TMBIM6: variants seen among roughly 807,000 people sequenced by gnomAD.
TMBIM6 encodes bax inhibitor 1.
In TMBIM6, 13 loss-of-function variants were observed where a neutral mutation model predicts 31.4. That is an observed-to-expected ratio of 0.41 (90% CI 0.27 to 0.66). The LOEUF (loss-of-function observed/expected upper bound fraction) is 0.66. TMBIM6 is among the 30% of genes least tolerant of loss of function. TMBIM6 has a pLI of 0.28. For missense variants in TMBIM6, 275 were observed against 289.5 expected, an observed-to-expected ratio of 0.95 and a Z score of 0.36; for synonymous variants, 85 against 101.7, an observed-to-expected ratio of 0.84 and a Z score of 0.99.
At chr12:49,751,330 T>A (rs866437443) in intron 1 of TMBIM6, among the ~76,000 whole-genome samples, 1 of 152,186 alleles carries the variant, frequency 6.6e-6, no homozygotes, top group Non-Finnish European at 1.5e-5. Context: ...CTGAAGTGTT[T>A]AGGAGCACTG....
chr12:49,753,073 T>G lies in TMBIM6; in HGVS notation c.157T>G (p.Phe53Val). The change falls in exon 3 of 10, where the codon TTC becomes GTC. Residue 53 changes from phenylalanine to valine, a missense_variant. Coordinates refer to ENST00000267115, the MANE Select transcript of TMBIM6 (RefSeq NM_003217.3). ...AGAYVHMVTH[F>V]IQAGLLSALG... ...GGCCTATGTCCATATGGTCACTCAT[T>G]TCATTCAGGTAAGAACGATTTTCTC... 1.9e-6 allele frequency: 3 copies of G among 1,613,258 alleles called. No homozygotes were observed. The highest frequency in any genetic ancestry group is 2.5e-6 in the Non-Finnish European group (3 of 1,179,700).
At chr12:49,759,460 T>C in intron 8 of TMBIM6, 139 bp downstream of exon 8, 1 of 679,984 alleles carries the variant, frequency 1.5e-6, no homozygotes. Flanking sequence ...GTTTTGGAAC[T>C]GTGTACCATA....
At chr12:49,748,302 A>G (rs558874565) in intron 1 of TMBIM6, among the ~76,000 whole-genome samples, 1 of 152,146 alleles carries the variant, frequency 6.6e-6, no homozygotes, top group Non-Finnish European at 1.5e-5. Flanking sequence ...TACCTAGAAC[A>G]AAACAAGGCA....
intron 8 of TMBIM6, among the ~76,000 whole-genome samples, chr12:49,760,999 C>G (rs1383499212): frequency 6.6e-6 from 1 of 151,904 alleles, no homozygotes; most frequent in African/African-American, 2.4e-5. Context: ...ACCACCATGC[C>G]CGGCTAATTT....
At chr12:49,756,980 C>T (rs1161598387) in intron 4 of TMBIM6, among the ~76,000 whole-genome samples, 1 of 152,034 alleles carries the variant, frequency 6.6e-6, no homozygotes, top group Non-Finnish European at 1.5e-5. Flanking sequence ...GATCCGCCCA[C>T]CTCGGCCTCC....
Position 49,741,845 on chromosome 12 carries a change from G to C in TMBIM6, c.-31+234G>C, listed in dbSNP as rs1945300029. 4 of 421,560 alleles carry C rather than the reference G, an allele frequency of 9.5e-6. 1 individual carries two copies. The highest frequency in any genetic ancestry group is 1.3e-5 in the Non-Finnish European group (3 of 233,512). The allele number at this position is 421,560 out of a possible 1,614,324, so 26.1% of individuals were successfully genotyped here. ...GCGGGGGTGGGGCGGAGGCGAGTCTGCGGGGGTTTTGGGGGGTGTCGAGGC... is the reference window on the plus strand; with the variant it reads ...GCGGGGGTGGGGCGGAGGCGAGTCTCCGGGGGTTTTGGGGGGTGTCGAGGC... On this transcript the variant is annotated intron_variant, in intron 1 of 9. Coordinates refer to ENST00000267115, the MANE Select transcript of TMBIM6 (RefSeq NM_003217.3).
chr12:49,755,849 T>G, intron 4 of TMBIM6, 94 bp downstream of exon 4: 1 of 1,431,818 alleles, frequency 7.0e-7, no homozygotes, highest in East Asian at 2.4e-5. Context: ...TTTTTTTTTT[T>G]TTGAGACAGA....
intron 1 of TMBIM6, 103 bp from the exon 2 acceptor site, chr12:49,752,361 A>G: frequency 2.5e-6 from 2 of 794,708 alleles, no homozygotes; most frequent in Non-Finnish European, 3.9e-6. Context: ...ATTTTAGGCA[A>G]GTTTTCATCT....
intron 1 of TMBIM6, chr12:49,742,060 G>A: frequency 1.3e-6 from 2 of 1,552,000 alleles, no homozygotes; most frequent in Admixed American, 3.9e-5. Flanking sequence ...TTCGGCTGCG[G>A]GCGGGTCCTT....
chr12:49,748,848 C>A (rs1183566027), intron 1 of TMBIM6, among the ~76,000 whole-genome samples: 1 of 152,080 alleles, frequency 6.6e-6, no homozygotes, highest in African/African-American at 2.4e-5. Flanking sequence ...TTGTAATGTA[C>A]TTTTTTTCTT....
intron 1 of TMBIM6, among the ~76,000 whole-genome samples, chr12:49,751,024 C>T (rs1405958987): frequency 6.6e-6 from 1 of 152,146 alleles, no homozygotes; most frequent in African/African-American, 2.4e-5. Flanking sequence ...CATTATGGCC[C>T]TGATAGGAGT....
At chr12:49,743,080 G>C (rs779851929) in intron 1 of TMBIM6, among the ~76,000 whole-genome samples, 1 of 149,676 alleles carries the variant, frequency 6.7e-6, no homozygotes, top group Non-Finnish European at 1.5e-5. Flanking sequence ...GACCTCTCCT[G>C]GCTTAGGTGA....
chr12:49,753,068 C>T lies in TMBIM6; in HGVS notation c.152C>T (p.Thr51Ile). The T allele has an allele frequency of 2.5e-6, 4 of 1,613,576 alleles. No individual in the cohort carries two copies. Among genetic ancestry groups the T allele is most frequent in the Non-Finnish European group, 2.5e-6 (3 of 1,179,808 alleles). Residue 51 changes from threonine to isoleucine, a missense_variant, in exon 3 of 10, where the codon ACT becomes ATT. By Grantham distance (89) the Thr-to-Ile change is moderately conservative. Transcript: ENST00000267115. ...GCAGGGGCCTATGTCCATATGGTCA[C>T]TCATTTCATTCAGGTAAGAACGATT... is the stretch of plus-strand genomic sequence containing the variant. ...AAAGAYVHMV[T>I]HFIQAGLLSA...
intron 1 of TMBIM6, chr12:49,742,128 G>GGGC: frequency 6.2e-7 from 1 of 1,609,418 alleles, no homozygotes; most frequent in Non-Finnish European, 8.5e-7. Flanking sequence ...AGGGCCTGGC[G>GGGC]GGCGGGTGAT....
chr12:49,761,624 G>A, intron 8 of TMBIM6, 80 bp from the exon 9 acceptor site: 1 of 1,323,726 alleles, frequency 7.6e-7, no homozygotes, highest in Non-Finnish European at 1.1e-6. Context: ...GGTAGGGGTG[G>A]GGTTTATATT....
chr12:49,742,389 C>T (rs1592718074), intron 1 of TMBIM6: 1 of 1,400,698 alleles, frequency 7.1e-7, no homozygotes, highest in East Asian at 2.5e-5. Flanking sequence ...CTTGCTGGAC[C>T]TGTGGTAACA....
chr12:49,759,388 G>A (rs1843409706), intron 8 of TMBIM6, 67 bp downstream of exon 8: 1 of 1,385,344 alleles, frequency 7.2e-7, no homozygotes, highest in African/African-American at 1.4e-5. Flanking sequence ...GCTGAACTTA[G>A]GTTGGCATTG....
chr12:49,761,701 C>T lies in TMBIM6; in HGVS notation c.615-3C>T. On this transcript the variant is annotated splice_polypyrimidine_tract_variant and splice_region_variant and intron_variant, in intron 8 of 9. Coordinates refer to ENST00000267115, the MANE Select transcript of TMBIM6 (RefSeq NM_003217.3). ...AGATCCTAATCTGGTTCTTGCCTTT[C>T]AGGCACTGCATTGATCTCTTCTTAG... 1 of 1,613,854 alleles carries T rather than the reference C, an allele frequency of 6.2e-7. No individual in the cohort carries two copies. Among genetic ancestry groups the T allele is most frequent in the East Asian group, 2.2e-5 (1 of 44,872 alleles).
At position 49,763,764 on chromosome 12, in the gene TMBIM6, T is replaced by C. The variant is rs1945764687; in HGVS notation, c.*868T>C. 1 of 152,232 alleles carries C rather than the reference T, an allele frequency of 6.6e-6. No homozygotes were observed. The highest frequency in any genetic ancestry group is 1.5e-5 in the Non-Finnish European group (1 of 68,060). 9.4% of individuals were successfully genotyped at this position (152,232 alleles called of 1,614,324 possible). On this transcript the variant is annotated 3_prime_UTR_variant, in exon 10 of 10. Coordinates refer to ENST00000267115, the MANE Select transcript of TMBIM6 (RefSeq NM_003217.3). ...CCCAAGCAAGGATAGGGAAGGGGAA[T>C]GGTTGAGCCTCTGGAGATCATTGTA... is the stretch of plus-strand genomic sequence containing the variant.
Sources: allele counts gnomAD v4.1 joint callset (sites outside exome capture counted in the v4.1 genomes callset), GRCh38; gene constraint gnomAD v4.1.1; transcripts MANE v1.5; gene names NCBI Gene and HGNC (gene_info 2026-07-23, HGNC 2026-07-21).